HDAC5: variants seen among roughly 807,000 people sequenced by gnomAD.
HDAC5 encodes the protein histone deacetylase 5, also known as antigen NY-CO-9.
In HDAC5, 25 loss-of-function variants were observed where a neutral mutation model predicts 133.3. The observed-to-expected ratio is 0.19, with a 90% CI of 0.14 to 0.26. HDAC5 has a LOEUF of 0.26. Ranked by LOEUF, HDAC5 falls within the 10% of genes least tolerant of loss-of-function variation. HDAC5 has a pLI of 1.00. For synonymous variants in HDAC5, 589 were observed against 610.8 expected (o/e 0.96, Z 0.53); for missense variants, 1,041 against 1,460.5 (o/e 0.71, Z 4.68).
intron 3 of HDAC5, among the ~76,000 whole-genome samples, chr17:44,097,794 G>A (rs1331490945): frequency 6.6e-6 from 1 of 152,262 alleles, no homozygotes; most frequent in Non-Finnish European, 1.5e-5. Context: ...CCCTGCCTAG[G>A]GCTGGAACTG....
Position 44,078,156 on chromosome 17 carries a change from CAG to C in HDAC5, c.*218_*219del, listed in dbSNP as rs756388825. On this transcript the variant is annotated 3_prime_UTR_variant, in exon 27 of 27. Transcript: ENST00000682912. Reference sequence around the variant, plus strand: ...AAAATGGGGGGAGGGACACATGGGACAGGGCTGGGAAGACACCACCACCCCCT... The same window carrying C: ...AAAATGGGGGGAGGGACACATGGGACGGCTGGGAAGACACCACCACCCCCT... The C allele has an allele frequency of 6.9e-5, 31 of 452,554 alleles. No homozygotes were observed. The East Asian group carries it at 1.0e-3, about 15-fold the overall frequency. The allele number at this position is 452,554 out of a possible 1,614,324, so 28.0% of individuals were successfully genotyped here.
intron 3 of HDAC5, among the ~76,000 whole-genome samples, chr17:44,096,296 G>A (rs1597981243): frequency 6.6e-6 from 1 of 152,124 alleles, no homozygotes; most frequent in East Asian, 1.9e-4. Context: ...GAGGGGCTGG[G>A]AAGACTCCTG....
chr17:44,089,762 A>AG (rs1183190668), intron 11 of HDAC5, among the ~76,000 whole-genome samples: 2 of 149,166 alleles, frequency 1.3e-5, no homozygotes, highest in African/African-American at 2.5e-5. Context: ...AAAAAAAAAA[A>AG]AAAAAAAAAA....
At chr17:44,079,398 T>C (rs999155630) in intron 23 of HDAC5, 121 bp from the exon 24 acceptor site, 5 of 963,848 alleles carry the variant, frequency 5.2e-6, no homozygotes, top group African/African-American at 3.3e-5. Context: ...TCCCAGCACT[T>C]TGGGAGGCCA....
chr17:44,083,498 G>A (rs1299786587), intron 18 of HDAC5, 47 bp downstream of exon 18: 4 of 1,388,444 alleles, frequency 2.9e-6, no homozygotes, highest in Non-Finnish European at 4.0e-6. Flanking sequence ...TGCCTCTGAG[G>A]AGCAGGGCCA....
rs762983186 is a variant in HDAC5 at position 44,093,220 on chromosome 17, C to A, written c.527-14G>T. 2 of 1,598,760 alleles carry A rather than the reference C, an allele frequency of 1.3e-6. No individual in the cohort carries two copies. The highest frequency in any genetic ancestry group is 1.7e-6 in the Non-Finnish European group (2 of 1,170,028). ...TGGCAATGGCACCTGCAGGACAGGG[C>A]ACAACTGACCTGGCTGCTTGGGGCC... On this transcript the variant is annotated splice_polypyrimidine_tract_variant and intron_variant, in intron 5 of 26. Transcript: ENST00000682912.
At chr17:44,090,562 A>AC (rs2050895167) in intron 11 of HDAC5, among the ~76,000 whole-genome samples, 1 of 149,584 alleles carries the variant, frequency 6.7e-6, no homozygotes. Context: ...TTTAGTAGAG[A>AC]TGGGATTTCA....
rs1481680528 is a variant in HDAC5, at chr17:44,083,841, C to T, written c.2319G>A (p.Gln773=). The part of the protein sequence containing the change: ...DSKKLLGPIS[Q]KMYAVLPCGG... Reference sequence around the variant, plus strand: ...CACAAGGCAGCACAGCATACATCTTCTGGCTGATGGGGCCTGCATGGAAGA... The same window carrying T: ...CACAAGGCAGCACAGCATACATCTTTTGGCTGATGGGGCCTGCATGGAAGA... Residue 773 remains glutamine (Q), a synonymous_variant, in exon 17 of 27, where the codon CAG becomes CAA. Coordinates refer to ENST00000682912, the MANE Select transcript of HDAC5 (RefSeq NM_005474.5). The T allele has an allele frequency of 6.2e-7, 1 of 1,612,152 alleles. No individual in the cohort carries two copies. The highest frequency in any genetic ancestry group is 8.5e-7 in the Non-Finnish European group (1 of 1,178,916).
chr17:44,080,964 T>C, intron 20 of HDAC5, 82 bp from the exon 21 acceptor site: 1 of 1,569,198 alleles, frequency 6.4e-7, no homozygotes, highest in Non-Finnish European at 8.7e-7. Context: ...CTGAGCACTG[T>C]AGCTCATGCC....
Position 44,117,443 on chromosome 17 carries a change from T to C in HDAC5, c.22+51A>G, listed in dbSNP as rs770354343. The stretch of plus-strand genomic sequence containing the variant: ...CTGGAAGGGAAACCCACACAGCCCA[T>C]TGCATCCGAAGCTACCCCAGGGTGC... On this transcript the variant is annotated intron_variant, in intron 2 of 26. Transcript: ENST00000682912. This position sits in a 1 kb window ranked among gnomAD's most constrained non-coding sequence, Gnocchi z 4.2. 30 of 1,605,130 alleles carry C rather than the reference T, an allele frequency of 1.9e-5. No homozygotes were observed. Among genetic ancestry groups the C allele is most frequent in the African/African-American group, 2.7e-5 (2 of 74,742 alleles).
At chr17:44,118,882 A>G (rs1419505154) in intron 1 of HDAC5, among the ~76,000 whole-genome samples, 1 of 152,166 alleles carries the variant, frequency 6.6e-6, no homozygotes, top group Non-Finnish European at 1.5e-5. Context: ...AATTCTCAGT[A>G]AGCCTTACAT....
chr17:44,109,306 T>C (rs901941556), intron 3 of HDAC5, among the ~76,000 whole-genome samples: 6 of 152,168 alleles, frequency 3.9e-5, no homozygotes, highest in African/African-American at 1.4e-4. Flanking sequence ...TAGCTGGACC[T>C]GTGGACTCCA....
chr17:44,119,541 T>C (rs77575047), intron 1 of HDAC5, among the ~76,000 whole-genome samples: 4,414 of 152,272 alleles, frequency 0.029, 105 homozygotes, highest in East Asian at 0.061. Flanking sequence ...CTTGAACTCA[T>C]GGTGGGCTCG....
chr17:44,092,693 A>G lies in HDAC5; in HGVS notation c.755T>C (p.Phe252Ser). The G allele has an allele frequency of 6.6e-7, 1 of 1,516,288 alleles. No homozygotes were observed. Among genetic ancestry groups the G allele is most frequent in the Admixed American group, 2.2e-5 (1 of 44,724 alleles). The allele number at this position is 1,516,288 out of a possible 1,614,324, so 93.9% of individuals were successfully genotyped here. ...TCACTCACCTGTTTTGCGGAGGGGGAAGTCGTCTCGACTGTCGTAGGGCCC... is the reference window on the plus strand; with the variant it reads ...TCACTCACCTGTTTTGCGGAGGGGGGAGTCGTCTCGACTGTCGTAGGGCCC... ...LPGPYDSRDD[F>S]PLRKTASEPN... Residue 252 changes from phenylalanine (F) to serine (S), a missense_variant, in exon 7 of 27, where the codon TTC (phenylalanine) becomes TCC (serine). Physicochemically the swap from Phe to Ser is radical, Grantham distance 155. Around this residue, in one of 9 missense-constraint regions of HDAC5, gnomAD observed 8 missense variants for 31.9 expected, o/e 0.25. Transcript: ENST00000682912.
chr17:44,083,719 C>G (rs1360939788), intron 17 of HDAC5, 67 bp from the exon 18 acceptor site: 3 of 1,580,482 alleles, frequency 1.9e-6, no homozygotes, highest in Admixed American at 1.7e-5. Flanking sequence ...GGCACCTGGA[C>G]AGTGGGCCAG....
chr17:44,078,588 C>G lies in HDAC5; in HGVS notation c.3241G>C (p.Glu1081Gln). Residue 1081 changes from glutamate (E) to glutamine (Q), a missense_variant, in exon 26 of 27, where the codon GAG becomes CAG. Glu to Gln is a conservative substitution (Grantham distance 29, BLOSUM62 2). Coordinates refer to ENST00000682912, the MANE Select transcript of HDAC5 (RefSeq NM_005474.5). ...ATGGCGCTCACAGTCTCGGCCTCCTCGGTCTCACCTGCTTGGGCCTCTCGC... is the reference window on the plus strand; with the variant it reads ...ATGGCGCTCACAGTCTCGGCCTCCTGGGTCTCACCTGCTTGGGCCTCTCGC... ...SLREAQAGET[E>Q]EAETVSAMAL... 6.2e-7 allele frequency: 1 copy of G among 1,610,082 alleles called. No homozygotes were observed. Among genetic ancestry groups the G allele is most frequent in the Non-Finnish European group, 8.5e-7 (1 of 1,179,974 alleles).
chr17:44,085,272 T>A, intron 14 of HDAC5, 117 bp from the exon 15 acceptor site: 2 of 1,054,916 alleles, frequency 1.9e-6, no homozygotes, highest in South Asian at 5.1e-5. Context: ...TCCAAACACC[T>A]CCCCATGGCC....
intron 2 of HDAC5, chr17:44,111,777 G>T: frequency 2.2e-6 from 1 of 457,028 alleles, no homozygotes; most frequent in South Asian, 1.5e-5. Context: ...GCTCATTCTG[G>T]AGTGTCGCCT....
At position 44,088,496 on chromosome 17, in the gene HDAC5, T is replaced by C; in HGVS notation, c.1490A>G (p.Gln497Arg). The change falls in exon 12 of 27, where the codon CAG (glutamine) becomes CGG (arginine). Residue 497 changes from glutamine to arginine, a missense_variant. This residue lies in a region of HDAC5 where 433 missense variants were observed against 531.6 expected (regional missense o/e 0.81). Coordinates refer to ENST00000682912, the MANE Select transcript of HDAC5 (RefSeq NM_005474.5). ...GGGACTCTGCGGCAGCGGTGAGGACTGAGTGCGGCTCAGGGGCCGATGCCG... is the reference window on the plus strand; with the variant it reads ...GGGACTCTGCGGCAGCGGTGAGGACCGAGTGCGGCTCAGGGGCCGATGCCG... ...LPRHRPLSRT[Q>R]SSPLPQSPQA... The C allele has an allele frequency of 1.2e-6, 2 of 1,612,814 alleles. No homozygotes were observed. The highest frequency in any genetic ancestry group is 1.7e-6 in the Non-Finnish European group (2 of 1,179,736).
Sources: allele counts gnomAD v4.1 joint callset (sites outside exome capture counted in the v4.1 genomes callset), GRCh38; gene constraint gnomAD v4.1.1; regional missense constraint gnomAD v4.1.1; non-coding constraint Gnocchi (gnomAD v3.1); transcripts MANE v1.5; gene names NCBI Gene and HGNC (gene_info 2026-07-23, HGNC 2026-07-21).